The following OPRM1 variants were observed in gnomAD, a reference collection of about 807,000 sequenced individuals.
The protein encoded by OPRM1 is mu-type opioid receptor.
In OPRM1, 27 loss-of-function variants were observed where a neutral mutation model predicts 31.8. That is an observed-to-expected ratio of 0.85 (90% confidence interval 0.63 to 1.17). The LOEUF (loss-of-function observed/expected upper bound fraction) is 1.17. Among genes scored for constraint, OPRM1 ranks in the 50% most tolerant of loss-of-function variants. OPRM1 has a pLI of 0.00. For synonymous variants in OPRM1, 196 were observed against 189.9 expected (o/e 1.03, Z -0.26); for missense variants, 536 against 511.1 (o/e 1.05, Z -0.47).
intron 3 of OPRM1, among the ~76,000 whole-genome samples, chr6:154,113,607 G>T (rs1796566910): frequency 6.6e-6 from 1 of 152,176 alleles, no homozygotes; most frequent in Admixed American, 6.5e-5. Flanking sequence ...GAATCAGTAT[G>T]AGCTGTCTGA....
intron 3 of OPRM1, chr6:154,158,914 T>C (rs1461361816): frequency 1.3e-5 from 2 of 152,274 alleles, no homozygotes; most frequent in East Asian, 3.8e-4. Context: ...TTTTGTTTTT[T>C]TGTTTTTTTG....
Position 154,102,930 on chromosome 6 carries a change from A to C in OPRM1, c.1164+11458A>C, listed in dbSNP as rs1408854429. On this transcript the variant is annotated intron_variant, in intron 3 of 3. Transcript: ENST00000330432. ...CACTAACCAGTTGCAAAAAAAAAAA[A>C]AAAAAACACTCCATACTCATGGAAG... 2.6e-5 allele frequency among the ~76,000 whole-genome samples: 4 copies of C among 152,000 alleles called. No individual in the cohort carries two copies. In the South Asian group the frequency reaches 6.2e-4, roughly 24 times the overall value.
In OPRM1 at chr6:154,168,527, AT is replaced by A. The variant is rs1799615235; in HGVS notation, c.1164+77058del. Among the ~76,000 whole-genome samples the A allele has an allele frequency of 6.6e-6, 1 of 152,142 alleles. No homozygotes were observed. The highest frequency in any genetic ancestry group is 6.5e-5 in the Admixed American group (1 of 15,276). On this transcript the variant is annotated intron_variant, in intron 3 of 3. Transcript: ENST00000337049. This position sits in a 1 kb window ranked among gnomAD's most constrained non-coding sequence, Gnocchi z 4.1. ...AACTAGTTAAATCTGCAACAACCCC[AT>A]TTCCCAATAAGGTCACATTCTGAGG...
intron 3 of OPRM1, among the ~76,000 whole-genome samples, chr6:154,239,033 G>A (rs925378958): frequency 1.3e-5 from 2 of 152,016 alleles, no homozygotes; most frequent in Non-Finnish European, 2.9e-5. Flanking sequence ...TCACTGCTGT[G>A]AGCTAAGAAG....
At chr6:154,207,191 G>C (rs1199738558) in intron 3 of OPRM1, among the ~76,000 whole-genome samples, 1 of 152,210 alleles carries the variant, frequency 6.6e-6, no homozygotes, top group Non-Finnish European at 1.5e-5. Context: ...AGAGCCACCG[G>C]GCTGCGTGAC....
rs748303290 is a variant in OPRM1, at chr6:154,168,150, C to G, written c.1164+76678C>G. 9.5e-6 allele frequency: 14 copies of G among 1,468,508 alleles called. No homozygotes were observed. The highest frequency in any genetic ancestry group is 1.3e-5 in the Non-Finnish European group (14 of 1,087,498). 91.0% of individuals were successfully genotyped at this position (1,468,508 alleles called of 1,614,324 possible). On this transcript the variant is annotated intron_variant, in intron 3 of 3. Coordinates refer to the OPRM1 transcript ENST00000337049. This position sits in a 1 kb window ranked among gnomAD's most constrained non-coding sequence, Gnocchi z 4.1. ...AAAAAAAGAAAGCAGTAACAATAAA[C>G]CCAGTGAAAAATCAAGGAGAGAACA...
In OPRM1 at chr6:154,123,709, G is replaced by A. The variant is rs1319026021; in HGVS notation, c.*4988G>A. ...GAACTGAGGGTTCTTCCCCTTTTAA[G>A]ACCGCATAGGGCAACTTCCTGACAT... On this transcript the variant is annotated 3_prime_UTR_variant, in exon 4 of 4. Transcript: ENST00000330432. Among the ~76,000 whole-genome samples, 2 of 152,148 alleles carry A rather than the reference G, an allele frequency of 1.3e-5. No homozygotes were observed. Among genetic ancestry groups the A allele is most frequent in the Non-Finnish European group, 2.9e-5 (2 of 68,022 alleles).
upstream of OPRM1, chr6:154,039,205 G>C (rs1453370539): frequency 1.3e-6 from 2 of 1,551,656 alleles, no homozygotes; most frequent in Non-Finnish European, 8.7e-7. Context: ...CCTACTCCTT[G>C]GATCGCTTTG....
At chr6:154,172,366 G>A (rs1263831577) in intron 3 of OPRM1, among the ~76,000 whole-genome samples, 2 of 152,206 alleles carry the variant, frequency 1.3e-5, no homozygotes, top group Non-Finnish European at 2.9e-5. Flanking sequence ...CAAGGGGTCG[G>A]GGGATTTCCC....
intron 3 of OPRM1, among the ~76,000 whole-genome samples, chr6:154,195,526 G>C (rs1776542149): frequency 6.6e-6 from 1 of 152,028 alleles, no homozygotes; most frequent in South Asian, 2.1e-4. Flanking sequence ...TTAAATTAAG[G>C]AACACCTATC....
intron 1 of OPRM1, among the ~76,000 whole-genome samples, chr6:154,064,351 G>C (rs1203592396): frequency 6.6e-6 from 1 of 152,168 alleles, no homozygotes; most frequent in South Asian, 2.1e-4. Flanking sequence ...GTTTTCTGTT[G>C]TTGAGTTTTG....
At position 154,130,842 on chromosome 6, in the gene OPRM1, C is replaced by A. The variant is rs1202426654; in HGVS notation, c.*12121C>A. 6.6e-6 allele frequency among the ~76,000 whole-genome samples: 1 copy of A among 151,966 alleles called. No homozygotes were observed. The highest frequency in any genetic ancestry group is 1.5e-5 in the Non-Finnish European group (1 of 67,980). ...ATTAAAGAAAAAATGCCTGTTTTCA[C>A]TAAGTCATCCTTCCCCTGGCAATAC... On this transcript the variant is annotated 3_prime_UTR_variant, in exon 4 of 4. Coordinates refer to ENST00000330432, the MANE Select transcript of OPRM1 (RefSeq NM_000914.5).
downstream of OPRM1, among the ~76,000 whole-genome samples, chr6:154,134,626 C>T (rs1249773158): frequency 1.3e-5 from 2 of 152,150 alleles, no homozygotes; most frequent in Non-Finnish European, 2.9e-5. Flanking sequence ...GACCATCAAA[C>T]ACAACAGAAC....
At chr6:154,172,420 T>C (rs370966085) in intron 3 of OPRM1, among the ~76,000 whole-genome samples, 52 of 152,262 alleles carry the variant, frequency 3.4e-4, no homozygotes, top group African/African-American at 1.2e-3. Context: ...CCTGGAGGAA[T>C]GATACACTTC....
chr6:154,142,572 C>T (rs927670506), intron 3 of OPRM1, among the ~76,000 whole-genome samples: 3 of 152,124 alleles, frequency 2.0e-5, no homozygotes, highest in Non-Finnish European at 4.4e-5. Context: ...CTCCAGTAGT[C>T]GACCAGAATA....
At position 154,168,873 on chromosome 6, in the gene OPRM1, T is replaced by A. The variant is rs891648383; in HGVS notation, c.1164+77401T>A. 6.6e-6 allele frequency among the ~76,000 whole-genome samples: 1 copy of A among 151,984 alleles called. No individual in the cohort carries two copies. Among genetic ancestry groups the A allele is most frequent in the Non-Finnish European group, 1.5e-5 (1 of 68,000 alleles). Reference sequence around the variant, plus strand: ...CGCCCACCTTGGCCTCCCAAAGTGCTGGGATTACAGGTGTGAGCCACCACG... The same window carrying A: ...CGCCCACCTTGGCCTCCCAAAGTGCAGGGATTACAGGTGTGAGCCACCACG... On this transcript the variant is annotated intron_variant, in intron 3 of 3. Transcript: ENST00000337049. The surrounding 1 kb of genome is among the most constrained non-coding windows in gnomAD (Gnocchi z 4.1).
intron 3 of OPRM1, among the ~76,000 whole-genome samples, chr6:154,093,853 C>A (rs1175383523): frequency 3.3e-5 from 5 of 152,178 alleles, no homozygotes; most frequent in Non-Finnish European, 7.3e-5. Flanking sequence ...CAGTTACAAC[C>A]AGACAACTGG....
chr6:154,205,970 C>A (rs533089547), intron 3 of OPRM1, among the ~76,000 whole-genome samples: 1 of 152,158 alleles, frequency 6.6e-6, no homozygotes, highest in Non-Finnish European at 1.5e-5. Flanking sequence ...TGCTGCTAGG[C>A]CTGAAACTAA....
chr6:154,137,739 C>A (rs1012936674), intron 3 of OPRM1, among the ~76,000 whole-genome samples: 3 of 152,116 alleles, frequency 2.0e-5, no homozygotes, highest in Non-Finnish European at 4.4e-5. Context: ...CAGAAGGAAA[C>A]ACCATTTCAG....
Sources: allele counts gnomAD v4.1 joint callset (sites outside exome capture counted in the v4.1 genomes callset), GRCh38; gene constraint gnomAD v4.1.1; non-coding constraint Gnocchi (gnomAD v3.1); transcripts MANE v1.5; gene names NCBI Gene and HGNC (gene_info 2026-07-23, HGNC 2026-07-21).